GABBR2: variants seen among roughly 807,000 people sequenced by gnomAD.
GABBR2 encodes gamma-aminobutyric acid type B receptor subunit 2.
In GABBR2, 23 loss-of-function variants were observed where a neutral mutation model predicts 105.6. The observed-to-expected ratio is 0.22, with a 90% CI of 0.16 to 0.31. The LOEUF (loss-of-function observed/expected upper bound fraction) is 0.31, where lower values mean the gene tolerates loss of function less well. GABBR2 is among the 10% of genes least tolerant of loss of function. GABBR2 has a pLI of 1.00. For missense variants in GABBR2, 734 were observed against 1,245.5 expected, an observed-to-expected ratio of 0.59 and a Z score of 6.18; for synonymous variants, 478 against 499.7, an observed-to-expected ratio of 0.96 and a Z score of 0.58.
At chr9:98,359,388 C>T (rs922613247) in intron 13 of GABBR2, among the ~76,000 whole-genome samples, 2 of 152,150 alleles carry the variant, frequency 1.3e-5, no homozygotes, top group Admixed American at 1.3e-4. Flanking sequence ...CAAGATCATG[C>T]CACTGCACTC....
At chr9:98,564,035 T>A (rs372903357) in intron 2 of GABBR2, among the ~76,000 whole-genome samples, 1 of 132,474 alleles carries the variant, frequency 7.5e-6, no homozygotes, top group Non-Finnish European at 1.7e-5. Context: ...TTATTTTTTA[T>A]ACACAAGTTA....
At chr9:98,565,268 C>T (rs1376759070) in intron 2 of GABBR2, among the ~76,000 whole-genome samples, 12 of 152,310 alleles carry the variant, frequency 7.9e-5, no homozygotes, top group African/African-American at 2.9e-4. Flanking sequence ...TGCTCCTCTA[C>T]TCTGTGTGGA....
chr9:98,581,075 G>C (rs16917365), intron 1 of GABBR2: 1 of 152,110 alleles, frequency 6.6e-6, no homozygotes, highest in Non-Finnish European at 1.5e-5. Context: ...GCCTCGGGGA[G>C]CTCACCGATG....
At chr9:98,603,612 G>C (rs923894096) in intron 1 of GABBR2, among the ~76,000 whole-genome samples, 1 of 152,002 alleles carries the variant, frequency 6.6e-6, no homozygotes, top group African/African-American at 2.4e-5. Flanking sequence ...CCCACCCTGG[G>C]CCTGGCACAC....
At position 98,522,346 on chromosome 9, in the gene GABBR2, T is replaced by C. The variant is rs553063289; in HGVS notation, c.630+19527A>G. Among the ~76,000 whole-genome samples the C allele has an allele frequency of 3.3e-5, 5 of 152,128 alleles. No homozygotes were observed. In the South Asian group the frequency reaches 1.0e-3, roughly 32 times the overall value. On this transcript the variant is annotated intron_variant, in intron 3 of 18. Coordinates refer to ENST00000259455, the MANE Select transcript of GABBR2 (RefSeq NM_005458.8). ...AATTAAAGATATAATAAAAGAAAAC[T>C]AATGCAATCAGAAGAAAGACCAGAT...
intron 1 of GABBR2, among the ~76,000 whole-genome samples, chr9:98,586,284 CTT>C (rs569530376): frequency 0.096 from 12,557 of 131,040 alleles, 535 homozygotes; most frequent in South Asian, 0.17. Context: ...TCTTTTCTTT[CTT>C]TTTTTTTTTT....
intron 17 of GABBR2, among the ~76,000 whole-genome samples, chr9:98,296,029 C>A (rs926161131): frequency 6.6e-6 from 1 of 152,176 alleles, no homozygotes; most frequent in Non-Finnish European, 1.5e-5. Flanking sequence ...TCAGCAGAAT[C>A]GACTGTATAT....
At chr9:98,539,267 T>G (rs1006703839) in intron 3 of GABBR2, among the ~76,000 whole-genome samples, 4 of 152,210 alleles carry the variant, frequency 2.6e-5, no homozygotes, top group Admixed American at 1.3e-4. Flanking sequence ...TGTGAGAGTT[T>G]TTGGGAATCT....
At chr9:98,674,566 G>C (rs1200233205) in intron 1 of GABBR2, among the ~76,000 whole-genome samples, 4 of 152,174 alleles carry the variant, frequency 2.6e-5, no homozygotes, top group Non-Finnish European at 5.9e-5. Flanking sequence ...CAGTGTAGCA[G>C]AGGGCAGGGC....
At chr9:98,580,686 G>A (rs1330747618) in intron 1 of GABBR2, among the ~76,000 whole-genome samples, 2 of 152,176 alleles carry the variant, frequency 1.3e-5, no homozygotes, top group African/African-American at 4.8e-5. Flanking sequence ...TACTCAGAAG[G>A]CTGAGGCAGG....
intron 5 of GABBR2, among the ~76,000 whole-genome samples, chr9:98,478,144 G>A (rs569567628): frequency 2.6e-5 from 4 of 152,324 alleles, no homozygotes; most frequent in East Asian, 1.9e-4. Flanking sequence ...TGGAGTCTGC[G>A]ATCCCATTGG....
At chr9:98,606,903 G>T in intron 1 of GABBR2, 3 of 621,876 alleles carry the variant, frequency 4.8e-6, no homozygotes, top group South Asian at 1.7e-5. Context: ...TGATCCACAT[G>T]AATTCCTAGG....
At chr9:98,335,910 G>A (rs1368427817) in intron 13 of GABBR2, among the ~76,000 whole-genome samples, 1 of 152,146 alleles carries the variant, frequency 6.6e-6, no homozygotes, top group Non-Finnish European at 1.5e-5. Flanking sequence ...CATATATTGA[G>A]CTGTGTGTCT....
chr9:98,645,944 C>T (rs1830023768), intron 1 of GABBR2, among the ~76,000 whole-genome samples: 1 of 152,158 alleles, frequency 6.6e-6, no homozygotes. Flanking sequence ...TGGAAGCACA[C>T]AAAGTGTAAA....
chr9:98,387,064 A>G (rs1832086444), intron 10 of GABBR2, among the ~76,000 whole-genome samples: 1 of 152,010 alleles, frequency 6.6e-6, no homozygotes, highest in Non-Finnish European at 1.5e-5. Flanking sequence ...TCTTATTACT[A>G]CAGCAGTCAG....
At chr9:98,379,642 T>C (rs1364204546) in intron 11 of GABBR2, among the ~76,000 whole-genome samples, 1 of 152,222 alleles carries the variant, frequency 6.6e-6, no homozygotes, top group Non-Finnish European at 1.5e-5. Context: ...GTGAACACAA[T>C]TATCCAGACA....
At chr9:98,641,241 C>T (rs1225995424) in intron 1 of GABBR2, among the ~76,000 whole-genome samples, 1 of 150,504 alleles carries the variant, frequency 6.6e-6, no homozygotes, top group African/African-American at 2.4e-5. Flanking sequence ...TCAAGTAATT[C>T]TCCTGCCTCA....
intron 1 of GABBR2, among the ~76,000 whole-genome samples, chr9:98,629,744 C>A (rs1020743450): frequency 6.6e-6 from 1 of 152,136 alleles, no homozygotes; most frequent in African/African-American, 2.4e-5. Flanking sequence ...TGAGAACATA[C>A]AACTCCCAGA....
chr9:98,591,718 A>G (rs1179666498), intron 1 of GABBR2, among the ~76,000 whole-genome samples: 2 of 152,230 alleles, frequency 1.3e-5, no homozygotes, highest in Non-Finnish European at 2.9e-5. Flanking sequence ...AAATGAGTCC[A>G]TCTCAGTAGT....
Sources: allele counts gnomAD v4.1 joint callset (sites outside exome capture counted in the v4.1 genomes callset), GRCh38; gene constraint gnomAD v4.1.1; transcripts MANE v1.5; gene names NCBI Gene and HGNC (gene_info 2026-07-23, HGNC 2026-07-21).